GRIP2: variants seen among roughly 807,000 people sequenced by gnomAD.
GRIP2 encodes glutamate receptor interacting protein 2, also known as glutamate receptor-interacting protein 2.
GRIP2 carries 58 observed loss-of-function variants against 108.3 expected under a neutral mutation model. The ratio of observed to expected loss-of-function variants is 0.54; its 90% CI spans 0.43 to 0.67. The LOEUF (loss-of-function observed/expected upper bound fraction) is 0.67. GRIP2 is among the 30% of genes least tolerant of loss of function. The pLI is 0.00. For missense variants in GRIP2, 1,278 were observed against 1,430.6 expected (o/e 0.89, Z 1.72); for synonymous variants, 586 against 598.2 (o/e 0.98, Z 0.30).
intron 21 of GRIP2, among the ~76,000 whole-genome samples, chr3:14,498,691 G>A (rs1223026072): frequency 6.6e-6 from 1 of 152,170 alleles, no homozygotes; most frequent in Non-Finnish European, 1.5e-5. Context: ...GCATCACAGG[G>A]TCTTGGACCC....
chr3:14,513,195 C>T (rs1159137859), intron 13 of GRIP2, among the ~76,000 whole-genome samples: 1 of 152,188 alleles, frequency 6.6e-6, no homozygotes, highest in East Asian at 1.9e-4. Flanking sequence ...TGTGCCAGGC[C>T]GTGGCTGGGT....
At chr3:14,516,967 C>T in intron 11 of GRIP2, 97 bp downstream of exon 11, 4 of 1,249,662 alleles carry the variant, frequency 3.2e-6, no homozygotes, top group Non-Finnish European at 4.2e-6. Context: ...GGAGCTCTGC[C>T]CAAAATACCT....
At chr3:14,588,622 C>A in the GRIP2 span, among the ~76,000 whole-genome samples, 1 of 152,198 alleles carries the variant, frequency 6.6e-6, no homozygotes, top group Non-Finnish European at 1.5e-5. Context: ...CAGCTGCCCA[C>A]AAACCCCTGG....
chr3:14,523,678 T>A lies in GRIP2; in HGVS notation c.424A>T (p.Ile142Phe). The A allele has an allele frequency of 6.2e-7, 1 of 1,611,666 alleles. No homozygotes were observed. Residue 142 changes from isoleucine (I) to phenylalanine (F), a missense_variant, in exon 5 of 24, where the codon ATC becomes TTC. Ile to Phe is a conservative substitution (Grantham distance 21). Transcript: ENST00000621039. ...GAGACGTCCACTGTCTTTGAAATGATCCTGGGGTTATTCTCAGGAGCTGGG... is the reference window on the plus strand; with the variant it reads ...GAGACGTCCACTGTCTTTGAAATGAACCTGGGGTTATTCTCAGGAGCTGGG... ...PPPAPENNPR[I>F]ISKTVDVSLY...
In GRIP2 at chr3:14,524,545, C is replaced by T. The variant is rs1389784240; in HGVS notation, c.258-7G>A. ...AATGTTCAGCAGATCACTCCTAGAG[C>T]AGGAAGGCCAGGGCACACATGGTAA... On this transcript the variant is annotated splice_region_variant and splice_polypyrimidine_tract_variant and intron_variant, in intron 3 of 23. Coordinates refer to ENST00000621039, the MANE Select transcript of GRIP2 (RefSeq NM_001080423.4). The T allele has an allele frequency of 1.3e-6, 2 of 1,551,232 alleles. No individual in the cohort carries two copies. The highest frequency in any genetic ancestry group is 3.9e-5 in the Admixed American group (2 of 50,982).
rs946866542 is a variant in GRIP2, at chr3:14,505,902, C to T, written c.2399-113G>A. On this transcript the variant is annotated intron_variant, in intron 19 of 23. Transcript: ENST00000621039. The surrounding 1 kb of genome is among the most constrained non-coding windows in gnomAD (Gnocchi z 4.2). ...GGGGAGGTCGTTGCTCCTCTCTGGG[C>T]CTGCATCTACACAGCCCTCTGAGGG... is the stretch of plus-strand genomic sequence containing the variant. 1 of 971,382 alleles carries T rather than the reference C, an allele frequency of 1.0e-6. No homozygotes were observed. The highest frequency in any genetic ancestry group is 2.9e-5 in the East Asian group (1 of 34,878). The allele number at this position is 971,382 out of a possible 1,614,324, so 60.2% of individuals were successfully genotyped here.
intron 11 of GRIP2, among the ~76,000 whole-genome samples, chr3:14,514,691 G>A (rs929915834): frequency 2.0e-5 from 3 of 152,342 alleles, no homozygotes; most frequent in South Asian, 2.1e-4. Flanking sequence ...CGTGGGGTGT[G>A]GCAAGGACTA....
chr3:14,601,419 G>GC, the GRIP2 span, among the ~76,000 whole-genome samples: 1 of 152,008 alleles, frequency 6.6e-6, no homozygotes, highest in South Asian at 2.1e-4. Flanking sequence ...CCAAGACACC[G>GC]CCCCCCTCCT....
intron 1 of GRIP2, among the ~76,000 whole-genome samples, chr3:14,548,697 T>C (rs1695095669): frequency 6.6e-6 from 1 of 152,210 alleles, no homozygotes. Context: ...CACAGCACTT[T>C]ATGTACACTG....
chr3:14,592,873 G>A, the GRIP2 span, among the ~76,000 whole-genome samples: 1 of 152,050 alleles, frequency 6.6e-6, no homozygotes. Context: ...TGCTGCTGCT[G>A]TCTGACTAGC....
At chr3:14,495,208 T>G (rs1693555529) in intron 22 of GRIP2, among the ~76,000 whole-genome samples, 1 of 151,052 alleles carries the variant, frequency 6.6e-6, no homozygotes, top group South Asian at 2.1e-4. Flanking sequence ...AACACTCAAG[T>G]ACGACGGAGC....
the GRIP2 span, among the ~76,000 whole-genome samples, chr3:14,576,148 G>A: frequency 2.0e-5 from 3 of 152,318 alleles, no homozygotes; most frequent in Non-Finnish European, 4.4e-5. Flanking sequence ...CTGGAGATCC[G>A]TGGGAATTAG....
upstream of GRIP2, among the ~76,000 whole-genome samples, chr3:14,546,434 A>C (rs987505221): frequency 6.6e-6 from 1 of 152,090 alleles, no homozygotes; most frequent in Non-Finnish European, 1.5e-5. Flanking sequence ...GAGGGGTCTG[A>C]GGGAGGAAAT....
intron 1 of GRIP2, among the ~76,000 whole-genome samples, chr3:14,548,247 G>A (rs1695086704): frequency 6.6e-6 from 1 of 152,216 alleles, no homozygotes; most frequent in African/African-American, 2.4e-5. Flanking sequence ...GCAGGGCCGG[G>A]TTCCGCAGAC....
rs1488730841 is a variant in GRIP2, at chr3:14,507,148, G to A, written c.2219-168C>T. On this transcript the variant is annotated intron_variant, in intron 18 of 23. Coordinates refer to ENST00000621039, the MANE Select transcript of GRIP2 (RefSeq NM_001080423.4). This position sits in a 1 kb window ranked among gnomAD's most constrained non-coding sequence, Gnocchi z 4.6. ...CCTGTTTCACAGATGGGAAAACTGA[G>A]GCTCGGGGAAGCTGAGCAGCATGCC... 1.3e-5 allele frequency among the ~76,000 whole-genome samples: 2 copies of A among 152,182 alleles called. No homozygotes were observed. The highest frequency in any genetic ancestry group is 2.9e-5 in the Non-Finnish European group (2 of 68,026).
At chr3:14,535,025 G>A (rs959604206) in intron 1 of GRIP2, among the ~76,000 whole-genome samples, 2 of 152,008 alleles carry the variant, frequency 1.3e-5, no homozygotes, top group African/African-American at 4.8e-5. Flanking sequence ...ATCTCAAAAG[G>A]GACCACTGAG....
At chr3:14,543,856 C>T (rs1695017612), upstream of GRIP2, among the ~76,000 whole-genome samples, 1 of 152,194 alleles carries the variant, frequency 6.6e-6, no homozygotes, top group South Asian at 2.1e-4. Flanking sequence ...AACTGGAAGA[C>T]GGATTCCTGT....
intron 1 of GRIP2, among the ~76,000 whole-genome samples, chr3:14,537,831 G>A (rs1694870258): frequency 6.6e-6 from 1 of 152,220 alleles, no homozygotes; most frequent in Non-Finnish European, 1.5e-5. Context: ...GGCAGCAAGT[G>A]CCTGCTCAGA....
intron 17 of GRIP2, among the ~76,000 whole-genome samples, chr3:14,509,522 GCAGGGCTGACCTTC>G (rs888856617): frequency 6.6e-6 from 1 of 152,260 alleles, no homozygotes; most frequent in Non-Finnish European, 1.5e-5. Flanking sequence ...AAATAGCCTT[GCAGGGCTGACCTTC>G]CAGACACAGG....
Sources: allele counts gnomAD v4.1 joint callset (sites outside exome capture counted in the v4.1 genomes callset), GRCh38; gene constraint gnomAD v4.1.1; non-coding constraint Gnocchi (gnomAD v3.1); transcripts MANE v1.5; gene names NCBI Gene and HGNC (gene_info 2026-07-23, HGNC 2026-07-21).